TRERF1: variants seen among roughly 807,000 people sequenced by gnomAD.
The protein encoded by TRERF1 is transcriptional regulating factor 1.
TRERF1 carries 27 observed loss-of-function variants against 122.9 expected under a neutral mutation model. The ratio of observed to expected loss-of-function variants is 0.22; its 90% CI spans 0.16 to 0.30. The LOEUF is 0.30. Ranked by LOEUF, TRERF1 falls within the 10% of genes least tolerant of loss-of-function variation. The pLI, the probability that TRERF1 is intolerant of heterozygous loss-of-function variation, is 1.00. For synonymous variants in TRERF1, 636 were observed against 641.7 expected (o/e 0.99, Z 0.13); for missense variants, 1,248 against 1,560.3 (o/e 0.80, Z 3.37).
At chr6:42,445,295 A>G (rs1787275282) in intron 2 of TRERF1, among the ~76,000 whole-genome samples, 2 of 151,278 alleles carry the variant, frequency 1.3e-5, no homozygotes, top group Non-Finnish European at 2.9e-5. Flanking sequence ...AAAACGATGA[A>G]ACAAATCCAA....
intron 4 of TRERF1, among the ~76,000 whole-genome samples, chr6:42,295,004 T>A (rs1404419964): frequency 6.6e-6 from 1 of 151,830 alleles, no homozygotes; most frequent in East Asian, 1.9e-4. Context: ...GACTTTGAGG[T>A]TTGCTGGTGG....
intron 3 of TRERF1, among the ~76,000 whole-genome samples, chr6:42,355,447 G>A (rs1562050425): frequency 1.3e-5 from 2 of 152,068 alleles, no homozygotes; most frequent in Admixed American, 1.3e-4. Context: ...AAATCTACTC[G>A]CTAGAATTTT....
In TRERF1 at chr6:42,264,601, C is replaced by T; in HGVS notation, c.1635+103G>A. 7 of 1,515,828 alleles carry T rather than the reference C, an allele frequency of 4.6e-6. No individual in the cohort carries two copies. In the East Asian group the frequency reaches 6.9e-5, roughly 15 times the overall value. 93.9% of individuals were successfully genotyped at this position (1,515,828 alleles called of 1,614,324 possible). On this transcript the variant is annotated intron_variant, in intron 7 of 17. Coordinates refer to ENST00000372922, the Ensembl canonical transcript of TRERF1. The stretch of plus-strand genomic sequence containing the variant: ...TTCCTGTCAAGGGAGGACTGTGCCT[C>T]GCCAGGTCCCGCATGGGGCTCACAT...
intron 2 of TRERF1, among the ~76,000 whole-genome samples, chr6:42,396,917 C>T (rs1261090738): frequency 1.3e-5 from 2 of 152,126 alleles, no homozygotes; most frequent in Non-Finnish European, 2.9e-5. Flanking sequence ...ATACACACAC[C>T]CTGAAGGAGG....
At position 42,387,383 on chromosome 6, in the gene TRERF1, T is replaced by C. The variant is rs988815403; in HGVS notation, c.-453-24304A>G. 2.0e-5 allele frequency among the ~76,000 whole-genome samples: 3 copies of C among 152,210 alleles called. No individual in the cohort carries two copies. In the South Asian group the frequency reaches 6.2e-4, roughly 32 times the overall value. On this transcript the variant is annotated intron_variant, in intron 2 of 17. Coordinates refer to ENST00000372922, the Ensembl canonical transcript of TRERF1. ...AAGCTCCAGCCAGACTTAGCTTTCT[T>C]TCCTTCTTTCCCTATTCTGTAGCCC...
chr6:42,377,054 C>T (rs1363724075), intron 2 of TRERF1, among the ~76,000 whole-genome samples: 2 of 151,458 alleles, frequency 1.3e-5, no homozygotes, highest in South Asian at 2.1e-4. Flanking sequence ...TTAGTAGAGA[C>T]GGGGTTTCAC....
rs148338191 is a variant in TRERF1 at position 42,249,731 on chromosome 6, G to GT, written c.2657-3188dup. On this transcript the variant is annotated intron_variant, in intron 13 of 17. Coordinates refer to ENST00000372922, the Ensembl canonical transcript of TRERF1. ...GGTCAGGGAGCACAGTCTTAAGACAGTAAGAGGTGGCTCTTCTGCACAGTC... is the reference window on the plus strand; with the variant it reads ...GGTCAGGGAGCACAGTCTTAAGACAGTTAAGAGGTGGCTCTTCTGCACAGTC... Among the ~76,000 whole-genome samples, 780 of 152,336 alleles carry GT rather than the reference G, an allele frequency of 5.1e-3. 8 individuals carry two copies. Among genetic ancestry groups the GT allele is most frequent in the African/African-American group, 0.018 (735 of 41,580 alleles).
At chr6:42,226,454 G>GA (rs1225546306) in exon 18 of TRERF1, 1 of 152,240 alleles carries the variant, frequency 6.6e-6, no homozygotes, top group Non-Finnish European at 1.5e-5. Flanking sequence ...CCACAAAGTT[G>GA]ATGCACACTG....
At chr6:42,264,535 G>A (rs1216729335) in intron 7 of TRERF1, among the ~76,000 whole-genome samples, 169 bp downstream of exon 7, 1 of 152,260 alleles carries the variant, frequency 6.6e-6, no homozygotes, top group African/African-American at 2.4e-5. Flanking sequence ...GGGAAGTGGG[G>A]CTGCTTGACC....
chr6:42,407,797 T>C (rs1393520157), intron 2 of TRERF1, among the ~76,000 whole-genome samples: 5 of 151,548 alleles, frequency 3.3e-5, no homozygotes, highest in Admixed American at 1.3e-4. Flanking sequence ...GTACATCAAA[T>C]AAGCCCTATA....
At chr6:42,280,795 C>T (rs1262826732) in intron 4 of TRERF1, among the ~76,000 whole-genome samples, 1 of 152,166 alleles carries the variant, frequency 6.6e-6, no homozygotes, top group Non-Finnish European at 1.5e-5. Flanking sequence ...GGAAGATGTC[C>T]TTGAGAGGCA....
intron 3 of TRERF1, among the ~76,000 whole-genome samples, chr6:42,306,065 G>A (rs148420856): frequency 2.9e-5 from 4 of 140,344 alleles, no homozygotes; most frequent in South Asian, 2.3e-4. Flanking sequence ...GCAGTGGCGC[G>A]ATCTCGGCTC....
chr6:42,399,003 G>T (rs1333898559), intron 2 of TRERF1, among the ~76,000 whole-genome samples: 1 of 152,118 alleles, frequency 6.6e-6, no homozygotes, highest in Non-Finnish European at 1.5e-5. Context: ...TCCCCTCTAT[G>T]GGCCTCAGTT....
chr6:42,235,072 T>C (rs953722013), intron 16 of TRERF1, among the ~76,000 whole-genome samples: 22 of 151,604 alleles, frequency 1.5e-4, no homozygotes, highest in African/African-American at 5.1e-4. Context: ...GCAAAATGTA[T>C]GTATCTTTTT....
chr6:42,334,782 G>T (rs957918978), intron 3 of TRERF1, among the ~76,000 whole-genome samples: 4 of 152,272 alleles, frequency 2.6e-5, no homozygotes. Flanking sequence ...AAGGGAAGAT[G>T]CTCCCTCTGA....
chr6:42,339,131 CT>C (rs1312259767), intron 3 of TRERF1, among the ~76,000 whole-genome samples: 3 of 152,222 alleles, frequency 2.0e-5, no homozygotes, highest in African/African-American at 7.2e-5. Context: ...CTTATCTATC[CT>C]TGAGGTCACT....
intron 2 of TRERF1, among the ~76,000 whole-genome samples, chr6:42,430,013 A>G (rs1311823498): frequency 6.6e-6 from 1 of 151,948 alleles, no homozygotes; most frequent in Non-Finnish European, 1.5e-5. Context: ...GAGCAACCCC[A>G]GCAGAGAGGA....
chr6:42,347,301 A>C (rs890303179), intron 3 of TRERF1, among the ~76,000 whole-genome samples: 4 of 152,184 alleles, frequency 2.6e-5, no homozygotes, highest in African/African-American at 9.7e-5. Context: ...CTGTTCATTC[A>C]ACGAGGATTT....
intron 2 of TRERF1, among the ~76,000 whole-genome samples, chr6:42,390,096 C>T (rs1006144814): frequency 1.1e-4 from 17 of 152,160 alleles, no homozygotes; most frequent in African/African-American, 3.9e-4. Flanking sequence ...AAATGAAAAA[C>T]GGAGGTAGAA....
Sources: gnomAD v4.1 joint callset for allele counts (sites outside exome capture counted in the v4.1 genomes callset) on GRCh38, gnomAD v4.1.1 for gene constraint, MANE v1.5 for transcripts, NCBI Gene and HGNC (gene_info 2026-07-23, HGNC 2026-07-21) for gene names.